The following RCAN2 variants were observed in gnomAD, a reference collection of about 807,000 sequenced individuals.
The protein encoded by RCAN2 is regulator of calcineurin 2.
Under a neutral mutation model 23.6 loss-of-function variants are expected in RCAN2, and 9 were observed. The ratio of observed to expected loss-of-function variants is 0.38; its 90% CI spans 0.23 to 0.67. RCAN2 has a LOEUF of 0.67. Ranked by LOEUF, RCAN2 falls within the 30% of genes least tolerant of loss-of-function variation. RCAN2 has a pLI of 0.51. For synonymous variants in RCAN2, 109 were observed against 115.7 expected, an observed-to-expected ratio of 0.94 and a Z score of 0.37; for missense variants, 273 against 302.3, an observed-to-expected ratio of 0.90 and a Z score of 0.72.
chr6:46,304,396 C>T (rs1279254390), intron 2 of RCAN2, among the ~76,000 whole-genome samples: 2 of 152,024 alleles, frequency 1.3e-5, no homozygotes, highest in Non-Finnish European at 2.9e-5. Context: ...CTGAGTGCTG[C>T]CATTTAATGA....
intron 2 of RCAN2, among the ~76,000 whole-genome samples, chr6:46,269,554 G>C (rs1767455439): frequency 6.6e-6 from 1 of 152,184 alleles, no homozygotes; most frequent in African/African-American, 2.4e-5. Flanking sequence ...TCTTGCTGTT[G>C]GTTCTTCTCA....
At chr6:46,382,899 A>T (rs1324128306) in intron 2 of RCAN2, among the ~76,000 whole-genome samples, 1 of 152,166 alleles carries the variant, frequency 6.6e-6, no homozygotes, top group Non-Finnish European at 1.5e-5. Context: ...TCACCTACCG[A>T]TAGTTACAGG....
chr6:46,464,232 A>G (rs2150437284), intron 1 of RCAN2, among the ~76,000 whole-genome samples: 1 of 152,340 alleles, frequency 6.6e-6, no homozygotes, highest in East Asian at 1.9e-4. Flanking sequence ...AGCCAAGTTC[A>G]GAATTTTAAA....
chr6:46,463,559 C>A (rs1768282984), intron 1 of RCAN2, among the ~76,000 whole-genome samples: 1 of 152,108 alleles, frequency 6.6e-6, no homozygotes, highest in Non-Finnish European at 1.5e-5. Context: ...AAGGATTCTC[C>A]TCAATTTGAG....
intron 2 of RCAN2, among the ~76,000 whole-genome samples, chr6:46,454,083 C>T (rs979462633): frequency 3.9e-5 from 6 of 152,116 alleles, no homozygotes; most frequent in Admixed American, 3.9e-4. Context: ...ATGCTTTTTG[C>T]TTCTTTTCCC....
chr6:46,338,218 C>A (rs563356755), intron 2 of RCAN2, among the ~76,000 whole-genome samples: 5 of 152,114 alleles, frequency 3.3e-5, no homozygotes, highest in Non-Finnish European at 7.4e-5. Flanking sequence ...TAGGTAGAAA[C>A]CAAGAAGGTC....
chr6:46,445,260 T>C (rs1223910010), intron 2 of RCAN2, among the ~76,000 whole-genome samples: 2 of 151,936 alleles, frequency 1.3e-5, no homozygotes, highest in African/African-American at 4.8e-5. Flanking sequence ...ATAGAACCAA[T>C]CAATACGTTT....
At chr6:46,405,973 G>A (rs1469516795) in intron 2 of RCAN2, among the ~76,000 whole-genome samples, 1 of 152,216 alleles carries the variant, frequency 6.6e-6, no homozygotes, top group African/African-American at 2.4e-5. Flanking sequence ...GGCACTGCTG[G>A]GGGACCCAGT....
At chr6:46,403,335 G>A (rs1414600792) in intron 2 of RCAN2, among the ~76,000 whole-genome samples, 1 of 152,000 alleles carries the variant, frequency 6.6e-6, no homozygotes, top group Admixed American at 6.5e-5. Context: ...CACTTTGAGA[G>A]GCAGAGGCAG....
At chr6:46,427,665 A>G (rs1006788819) in intron 2 of RCAN2, among the ~76,000 whole-genome samples, 3 of 152,134 alleles carry the variant, frequency 2.0e-5, no homozygotes, top group Non-Finnish European at 2.9e-5. Context: ...TGCTCTCTTA[A>G]CCCGGATTCT....
chr6:46,270,616 AGGGATTTG>A (rs1430687290), intron 2 of RCAN2, among the ~76,000 whole-genome samples: 1 of 152,182 alleles, frequency 6.6e-6, no homozygotes, highest in Non-Finnish European at 1.5e-5. Flanking sequence ...GGCTGGATGT[AGGGATTTG>A]CTTTAAATAA....
chr6:46,366,044 G>A (rs934233134), intron 2 of RCAN2, among the ~76,000 whole-genome samples: 2 of 152,142 alleles, frequency 1.3e-5, no homozygotes, highest in Admixed American at 1.3e-4. Context: ...AGATTATACA[G>A]CTAGAATGTG....
At chr6:46,392,232 G>A (rs10456559) in intron 2 of RCAN2, among the ~76,000 whole-genome samples, 3 of 152,266 alleles carry the variant, frequency 2.0e-5, no homozygotes, top group Non-Finnish European at 2.9e-5. Context: ...GAGGAGGAAC[G>A]CCAGCAAGGG....
chr6:46,356,453 C>T lies in RCAN2; in HGVS notation c.225+100299G>A, dbSNP rs1764833531. Among the ~76,000 whole-genome samples the T allele has an allele frequency of 2.6e-5, 4 of 152,150 alleles. No homozygotes were observed. In the South Asian group the frequency reaches 8.3e-4, roughly 32 times the overall value. On this transcript the variant is annotated intron_variant, in intron 2 of 4. Coordinates refer to ENST00000371374, the MANE Select transcript of RCAN2 (RefSeq NM_001251974.2). ...GTCTGGAGGGAAACCTGGAGGGTGG[C>T]ATTTTTTTTTCCTACGTGTCCTCAA...
chr6:46,303,031 A>G (rs955710502), intron 2 of RCAN2, among the ~76,000 whole-genome samples: 2 of 151,948 alleles, frequency 1.3e-5, no homozygotes, highest in African/African-American at 4.8e-5. Flanking sequence ...GAAATGATTC[A>G]GTGAGGGGCA....
intron 2 of RCAN2, among the ~76,000 whole-genome samples, chr6:46,307,191 A>T (rs1763099324): frequency 6.6e-6 from 1 of 152,184 alleles, no homozygotes; most frequent in Non-Finnish European, 1.5e-5. Flanking sequence ...TGCTGGGGAA[A>T]CAAACATGAA....
At chr6:46,314,918 G>T (rs969430378) in intron 2 of RCAN2, among the ~76,000 whole-genome samples, 1 of 152,162 alleles carries the variant, frequency 6.6e-6, no homozygotes, top group African/African-American at 2.4e-5. Context: ...AAAGTTAGCT[G>T]GGCATGGTGG....
chr6:46,300,136 A>G (rs1582081170), intron 2 of RCAN2, among the ~76,000 whole-genome samples: 1 of 151,902 alleles, frequency 6.6e-6, no homozygotes, highest in South Asian at 2.1e-4. Flanking sequence ...CAAAAGTGGG[A>G]AAAAAGAGGG....
chr6:46,308,565 G>A (rs956924705), intron 2 of RCAN2, among the ~76,000 whole-genome samples: 1 of 152,122 alleles, frequency 6.6e-6, no homozygotes, highest in Admixed American at 6.6e-5. Flanking sequence ...GGGAAGAACA[G>A]TTGGATGATC....
Sources: gnomAD v4.1 joint callset for allele counts (sites outside exome capture counted in the v4.1 genomes callset) on GRCh38, gnomAD v4.1.1 for gene constraint, MANE v1.5 for transcripts, NCBI Gene and HGNC (gene_info 2026-07-23, HGNC 2026-07-21) for gene names.